The following TNIK variants were observed in gnomAD, a reference collection of about 807,000 sequenced individuals.
The protein encoded by TNIK is TRAF2 and NCK-interacting protein kinase.
A neutral mutation model predicts 191.3 loss-of-function variants in TNIK; 49 were observed. The ratio of observed to expected loss-of-function variants is 0.26; its 90% CI spans 0.20 to 0.32. The LOEUF is 0.32. Ranked by LOEUF, TNIK falls within the 10% of genes least tolerant of loss-of-function variation. TNIK has a pLI of 1.00. For missense variants in TNIK, 1,155 were observed against 1,702.3 expected (o/e 0.68, Z 5.66); for synonymous variants, 594 against 600.9 (o/e 0.99, Z 0.17).
At chr3:171,150,631 A>G (rs903067254) in intron 12 of TNIK, among the ~76,000 whole-genome samples, 4 of 152,350 alleles carry the variant, frequency 2.6e-5, no homozygotes. Flanking sequence ...ATCAGAAGGC[A>G]GTTTCTCCAG....
At chr3:171,330,013 C>T (rs184621088) in intron 2 of TNIK, among the ~76,000 whole-genome samples, 28 of 152,314 alleles carry the variant, frequency 1.8e-4, no homozygotes, top group African/African-American at 6.5e-4. Flanking sequence ...TGAAGGAAAG[C>T]GGTTTTTAAT....
intron 27 of TNIK, among the ~76,000 whole-genome samples, chr3:171,080,320 T>G (rs1720508301): frequency 6.6e-6 from 1 of 152,222 alleles, no homozygotes; most frequent in Admixed American, 6.5e-5. Context: ...TTGCACCAGA[T>G]AAAATGTCCA....
intron 1 of TNIK, among the ~76,000 whole-genome samples, chr3:171,426,205 C>T (rs1724552834): frequency 6.6e-6 from 1 of 151,888 alleles, no homozygotes. Flanking sequence ...CACATATACA[C>T]CATGGAATAC....
intron 3 of TNIK, among the ~76,000 whole-genome samples, chr3:171,218,602 A>C (rs2108943959): frequency 6.6e-6 from 1 of 151,308 alleles, no homozygotes; most frequent in Non-Finnish European, 1.5e-5. Flanking sequence ...GTTATTGGGA[A>C]AAATAACTAG....
chr3:171,239,660 C>A (rs1387669055), intron 2 of TNIK, among the ~76,000 whole-genome samples: 1 of 152,192 alleles, frequency 6.6e-6, no homozygotes, highest in African/African-American at 2.4e-5. Flanking sequence ...ACTGCATTTG[C>A]GATTGTGATT....
chr3:171,319,250 G>A (rs1351683800), intron 2 of TNIK, among the ~76,000 whole-genome samples: 2 of 151,956 alleles, frequency 1.3e-5, no homozygotes, highest in Non-Finnish European at 2.9e-5. Flanking sequence ...CTTGAGAAAC[G>A]CTTTATCCTT....
At chr3:171,437,640 G>C (rs184449635) in intron 1 of TNIK, among the ~76,000 whole-genome samples, 42 of 152,264 alleles carry the variant, frequency 2.8e-4, no homozygotes, top group African/African-American at 9.6e-4. Flanking sequence ...GCCCTTCTCT[G>C]CCAACAGTCA....
At chr3:171,242,526 T>TTA (rs1745110467) in intron 2 of TNIK, among the ~76,000 whole-genome samples, 1 of 152,072 alleles carries the variant, frequency 6.6e-6, no homozygotes, top group African/African-American at 2.4e-5. Context: ...TTTTTTTTTT[T>TTA]ATCATTTAAC....
At chr3:171,127,516 T>G (rs1728653863) in intron 16 of TNIK, among the ~76,000 whole-genome samples, 1 of 152,114 alleles carries the variant, frequency 6.6e-6, no homozygotes. Context: ...TCACAAAATA[T>G]CTACATTTTC....
At chr3:171,338,221 C>T (rs1033440737) in intron 2 of TNIK, among the ~76,000 whole-genome samples, 6 of 152,114 alleles carry the variant, frequency 3.9e-5, no homozygotes, top group African/African-American at 1.4e-4. Context: ...TTCATTGCCT[C>T]ATTTCTAAAC....
At chr3:171,356,462 C>T (rs1475225326) in intron 2 of TNIK, among the ~76,000 whole-genome samples, 1 of 152,144 alleles carries the variant, frequency 6.6e-6, no homozygotes, top group Non-Finnish European at 1.5e-5. Flanking sequence ...AATCACCAAG[C>T]CATGAATCAC....
At chr3:171,242,622 C>T (rs554734725) in intron 2 of TNIK, among the ~76,000 whole-genome samples, 38 of 151,974 alleles carry the variant, frequency 2.5e-4, no homozygotes, top group African/African-American at 8.7e-4. Context: ...ATAAAATTGG[C>T]GCTCATATAA....
chr3:171,145,841 C>A (rs557323826), intron 12 of TNIK, among the ~76,000 whole-genome samples: 1 of 146,768 alleles, frequency 6.8e-6, no homozygotes, highest in Admixed American at 6.9e-5. Context: ...CAGAAAAGTA[C>A]GCACCTACAC....
chr3:171,086,870 G>A (rs1174074835), intron 24 of TNIK, among the ~76,000 whole-genome samples: 1 of 152,146 alleles, frequency 6.6e-6, no homozygotes, highest in African/African-American at 2.4e-5. Flanking sequence ...TATGAAAGAT[G>A]AACACTCTAA....
In TNIK at chr3:171,061,402, A is replaced by T. The variant is rs558873086; in HGVS notation, c.*2479T>A. On this transcript the variant is annotated 3_prime_UTR_variant, in exon 33 of 33. Transcript: ENST00000436636. ...AAAAGCTCATGTTCTATGTTATGTC[A>T]CTGTACATACTGTAAACAAGACTGC... 2 of 152,166 alleles carry T rather than the reference A, an allele frequency of 1.3e-5. No homozygotes were observed. The highest frequency in any genetic ancestry group is 4.8e-5 in the African/African-American group (2 of 41,456). The allele number at this position is 152,166 out of a possible 1,614,324, so 9.4% of individuals were successfully genotyped here.
At chr3:171,434,128 G>A (rs1436230435) in intron 1 of TNIK, among the ~76,000 whole-genome samples, 1 of 151,472 alleles carries the variant, frequency 6.6e-6, no homozygotes, top group Non-Finnish European at 1.5e-5. Flanking sequence ...TAGAGGCAGG[G>A]TTTTGCCATA....
In TNIK at chr3:171,139,491, C is replaced by G; in HGVS notation, c.1398G>C (p.Leu466=). The G allele has an allele frequency of 6.2e-7, 1 of 1,613,318 alleles. No homozygotes were observed. Among genetic ancestry groups the G allele is most frequent in the Non-Finnish European group, 8.5e-7 (1 of 1,179,516 alleles). ...RQLEILQQQL[L]HEQALLLEYK... ...TTACCAGAAGTAGAGCTTGTTCATG[C>G]AGTAGCTGCTGCTGCAAGATCTCTA... The change falls in exon 14 of 33, where the codon CTG becomes CTC. Residue 466 remains leucine, a synonymous_variant. Coordinates refer to ENST00000436636, the MANE Select transcript of TNIK (RefSeq NM_015028.4).
At chr3:171,331,785 T>C (rs1487491445) in intron 2 of TNIK, among the ~76,000 whole-genome samples, 1 of 152,200 alleles carries the variant, frequency 6.6e-6, no homozygotes, top group Non-Finnish European at 1.5e-5. Flanking sequence ...ATAGTCTAAG[T>C]CACACGGGCC....
intron 4 of TNIK, among the ~76,000 whole-genome samples, chr3:171,197,456 T>C (rs9822610): frequency 6.6e-6 from 1 of 151,848 alleles, no homozygotes. Flanking sequence ...CTATCAAGAC[T>C]GTGAAAAGAC....
Sources: allele counts gnomAD v4.1 joint callset (sites outside exome capture counted in the v4.1 genomes callset), GRCh38; gene constraint gnomAD v4.1.1; transcripts MANE v1.5; gene names NCBI Gene and HGNC (gene_info 2026-07-23, HGNC 2026-07-21).